ANKS1B: variants seen among roughly 807,000 people sequenced by gnomAD.
The protein encoded by ANKS1B is ankyrin repeat and sterile alpha motif domain containing 1B.
A neutral mutation model predicts 148.3 loss-of-function variants in ANKS1B; 36 were observed. That is an observed-to-expected ratio of 0.24 (90% confidence interval 0.19 to 0.32). ANKS1B has a LOEUF of 0.32. Ranked by LOEUF, ANKS1B falls within the 10% of genes least tolerant of loss-of-function variation. The pLI is 1.00. For synonymous variants in ANKS1B, 542 were observed against 560.8 expected, an observed-to-expected ratio of 0.97 and a Z score of 0.47; for missense variants, 1,157 against 1,542.6, an observed-to-expected ratio of 0.75 and a Z score of 4.19.
chr12:99,351,356 T>C (rs1372561859), intron 12 of ANKS1B, among the ~76,000 whole-genome samples: 1 of 152,078 alleles, frequency 6.6e-6, no homozygotes, highest in African/African-American at 2.4e-5. Context: ...AAATTAAACT[T>C]TTTGGGGGTG....
intron 17 of ANKS1B, among the ~76,000 whole-genome samples, chr12:98,902,833 C>A (rs751640723): frequency 3.9e-5 from 6 of 152,194 alleles, no homozygotes; most frequent in African/African-American, 7.2e-5. Flanking sequence ...AATTCATAAG[C>A]ATTCAGAATC....
intron 12 of ANKS1B, chr12:99,343,858 T>C (rs2090288556): frequency 6.6e-6 from 1 of 152,040 alleles, no homozygotes; most frequent in Non-Finnish European, 1.5e-5. Flanking sequence ...AGTTGCTACA[T>C]GCAGCGGGCA....
intron 14 of ANKS1B, among the ~76,000 whole-genome samples, chr12:99,182,324 C>G (rs2079210985): frequency 6.6e-6 from 1 of 152,188 alleles, no homozygotes; most frequent in Non-Finnish European, 1.5e-5. Context: ...GGTGGGGACA[C>G]AGAGCCAAAC....
chr12:99,707,131 G>A (rs1319264283), intron 8 of ANKS1B, among the ~76,000 whole-genome samples: 1 of 152,088 alleles, frequency 6.6e-6, no homozygotes, highest in South Asian at 2.1e-4. Context: ...AAGAGACCAT[G>A]ATTTGAGCAC....
intron 1 of ANKS1B, among the ~76,000 whole-genome samples, chr12:99,852,673 A>C (rs1757136652): frequency 6.6e-6 from 1 of 152,222 alleles, no homozygotes; most frequent in Admixed American, 6.5e-5. Context: ...TTTTGCTCCA[A>C]GAACTACCAT....
intron 8 of ANKS1B, among the ~76,000 whole-genome samples, chr12:99,686,580 A>G (rs1346054679): frequency 6.6e-6 from 1 of 152,214 alleles, no homozygotes; most frequent in African/African-American, 2.4e-5. Context: ...TAATAAAACT[A>G]TGAATCAAGA....
chr12:99,555,004 C>T (rs938426950), intron 9 of ANKS1B, among the ~76,000 whole-genome samples: 1 of 152,114 alleles, frequency 6.6e-6, no homozygotes, highest in Non-Finnish European at 1.5e-5. Context: ...CCAGCTCCAT[C>T]TATGTTGCTG....
At chr12:99,622,863 C>A (rs1288872329) in intron 9 of ANKS1B, among the ~76,000 whole-genome samples, 1 of 151,768 alleles carries the variant, frequency 6.6e-6, no homozygotes, top group Non-Finnish European at 1.5e-5. Context: ...TCCAAAAACT[C>A]AAAAAGGAAC....
Position 98,751,253 on chromosome 12 carries a change from G to T in ANKS1B, c.3747+102C>A. The T allele has an allele frequency of 1.7e-6, 2 of 1,199,976 alleles. No homozygotes were observed. Among genetic ancestry groups the T allele is most frequent in the South Asian group, 1.6e-5 (1 of 63,872 alleles). The allele number at this position is 1,199,976 out of a possible 1,614,324, so 74.3% of individuals were successfully genotyped here. On this transcript the variant is annotated intron_variant, in intron 26 of 26. Coordinates refer to ENST00000683438, the MANE Select transcript of ANKS1B (RefSeq NM_001352186.2). This position sits in a 1 kb window ranked among gnomAD's most constrained non-coding sequence, Gnocchi z 4.3. The stretch of plus-strand genomic sequence containing the variant: ...GGCCAAGGGAAAGGATGAAGAAGAG[G>T]CCCTGGGTTCTAATGGCACCCACAC...
intron 9 of ANKS1B, among the ~76,000 whole-genome samples, chr12:98,738,241 A>C (rs2097782837): frequency 1.3e-5 from 2 of 152,242 alleles, no homozygotes; most frequent in Admixed American, 1.3e-4. Flanking sequence ...ATTCAGGAAA[A>C]TGAGTCACTG....
At chr12:99,667,353 A>G (rs28770808) in intron 8 of ANKS1B, among the ~76,000 whole-genome samples, 1 of 148,084 alleles carries the variant, frequency 6.8e-6, no homozygotes, top group African/African-American at 2.6e-5. Flanking sequence ...TGTCTCAAAA[A>G]AAAAGAAAAG....
chr12:99,134,574 C>T (rs1435314372), intron 15 of ANKS1B, among the ~76,000 whole-genome samples: 1 of 151,256 alleles, frequency 6.6e-6, no homozygotes, highest in Admixed American at 6.6e-5. Context: ...ACACACATAT[C>T]CCCACCCCAA....
intron 9 of ANKS1B, among the ~76,000 whole-genome samples, chr12:99,575,271 A>G (rs1339529997): frequency 6.6e-6 from 1 of 152,066 alleles, no homozygotes; most frequent in Non-Finnish European, 1.5e-5. Flanking sequence ...CCAACCAAGA[A>G]TTTCGTATCC....
chr12:99,154,454 G>A lies in ANKS1B; in HGVS notation c.2420-59C>T, dbSNP rs181541718. The A allele has an allele frequency of 2.6e-4, 419 of 1,613,368 alleles. 4 individuals carry two copies. In the African/African-American group the frequency reaches 5.0e-3, roughly 19 times the overall value. On this transcript the variant is annotated intron_variant, in intron 14 of 26. Transcript: ENST00000683438. ...GGGAGTAGCCGTCCACGGGGTAATAGCGGTAGTCCTGGGCTGAGAGGTGGC... is the reference window on the plus strand; with the variant it reads ...GGGAGTAGCCGTCCACGGGGTAATAACGGTAGTCCTGGGCTGAGAGGTGGC...
At chr12:99,435,008 C>G (rs1161737730) in intron 11 of ANKS1B, among the ~76,000 whole-genome samples, 1 of 151,898 alleles carries the variant, frequency 6.6e-6, no homozygotes, top group African/African-American at 2.4e-5. Flanking sequence ...GTAGAAAGTG[C>G]CAAATAACAA....
chr12:99,241,593 A>C (rs1261518503), intron 14 of ANKS1B, among the ~76,000 whole-genome samples: 1 of 152,194 alleles, frequency 6.6e-6, no homozygotes, highest in African/African-American at 2.4e-5. Context: ...GAGACACAAC[A>C]ACAAAAGAGA....
intron 10 of ANKS1B, among the ~76,000 whole-genome samples, chr12:99,447,220 G>A (rs905734685): frequency 6.6e-6 from 1 of 152,016 alleles, no homozygotes; most frequent in Non-Finnish European, 1.5e-5. Context: ...AATGGGGAAA[G>A]GGCAGCCTCT....
intron 15 of ANKS1B, among the ~76,000 whole-genome samples, chr12:99,095,993 T>A (rs971007048): frequency 1.3e-5 from 2 of 152,198 alleles, no homozygotes; most frequent in Admixed American, 1.3e-4. Flanking sequence ...GGAGTGGGTT[T>A]CAGCTTATAA....
At chr12:99,967,680 G>A (rs1214590977) in intron 1 of ANKS1B, among the ~76,000 whole-genome samples, 3 of 151,938 alleles carry the variant, frequency 2.0e-5, no homozygotes, top group Non-Finnish European at 2.9e-5. Flanking sequence ...AGGCTGAGGC[G>A]GGCGGATCAC....
Sources: gnomAD v4.1 joint callset for allele counts (sites outside exome capture counted in the v4.1 genomes callset) on GRCh38, gnomAD v4.1.1 for gene constraint, Gnocchi (gnomAD v3.1) non-coding constraint, MANE v1.5 for transcripts, NCBI Gene and HGNC (gene_info 2026-07-23, HGNC 2026-07-21) for gene names.